Variants in PAK6 observed in about 807,000 individuals in gnomAD.
PAK6 encodes the protein serine/threonine-protein kinase PAK 6.
Under a neutral mutation model 60.8 loss-of-function variants are expected in PAK6, and 33 were observed. That is an observed-to-expected ratio of 0.54 (90% confidence interval 0.41 to 0.73). The LOEUF is 0.73. PAK6 is among the 30% of genes least tolerant of loss of function. PAK6 has a pLI of 0.00. For synonymous variants in PAK6, 404 were observed against 378.5 expected, an observed-to-expected ratio of 1.07 and a Z score of -0.78; for missense variants, 845 against 904.1, an observed-to-expected ratio of 0.93 and a Z score of 0.84.
exon 11 of PAK6, chr15:40,276,183 C>A: frequency 8.3e-7 from 1 of 1,201,030 alleles, no homozygotes; most frequent in Non-Finnish European, 1.2e-6. Flanking sequence ...GCCTCCTCCT[C>A]TCAGTATTCT....
chr15:40,249,057 G>T (rs1279705180), intron 2 of PAK6, among the ~76,000 whole-genome samples: 3 of 152,182 alleles, frequency 2.0e-5, no homozygotes, highest in Non-Finnish European at 4.4e-5. Flanking sequence ...CAAGAGCAAG[G>T]TGCTGGCAGA....
At chr15:40,268,377 C>A (rs577350130) in intron 5 of PAK6, among the ~76,000 whole-genome samples, 2 of 152,290 alleles carry the variant, frequency 1.3e-5, no homozygotes, top group African/African-American at 4.8e-5. Context: ...GTGGTACCCT[C>A]GGTTGGAATA....
At chr15:40,266,548 A>G in intron 5 of PAK6, 53 bp downstream of exon 5, 1 of 1,484,208 alleles carries the variant, frequency 6.7e-7, no homozygotes. Flanking sequence ...GTGTAGGGAC[A>G]CAGGCCTTGC....
chr15:40,268,810 G>A (rs922286247), intron 5 of PAK6, among the ~76,000 whole-genome samples: 5 of 152,208 alleles, frequency 3.3e-5, no homozygotes, highest in Non-Finnish European at 7.3e-5. Flanking sequence ...AGAGTCAGAA[G>A]GGCAAACATT....
exon 5 of PAK6, chr15:40,266,039 G>A (rs758265511): frequency 1.9e-6 from 3 of 1,606,590 alleles, no homozygotes; most frequent in African/African-American, 1.3e-5. Context: ...AGAGCCCCCA[G>A]TCTGAGCGCA....
intron 4 of PAK6, among the ~76,000 whole-genome samples, chr15:40,265,453 C>G (rs1425056386): frequency 6.6e-6 from 1 of 152,156 alleles, no homozygotes; most frequent in African/African-American, 2.4e-5. Context: ...TGTGGAGGAG[C>G]CCCCGGCCTG....
chr15:40,247,140 C>T (rs779881413), intron 2 of PAK6: 1 of 152,298 alleles, frequency 6.6e-6, no homozygotes, highest in Non-Finnish European at 1.5e-5. Flanking sequence ...CAGAGCCCTG[C>T]TCCAGCCTCA....
chr15:40,272,490 T>G, exon 6 of PAK6: 3 of 1,613,760 alleles, frequency 1.9e-6, no homozygotes, highest in Non-Finnish European at 2.5e-6. Flanking sequence ...TTGCCAAGGG[T>G]GCCCTGGCTG....
chr15:40,253,015 G>T, intron 2 of PAK6, 163 bp from the exon 3 acceptor site: 2 of 423,870 alleles, frequency 4.7e-6, no homozygotes, highest in Non-Finnish European at 8.2e-6. Context: ...CCTTCTCCCC[G>T]TAAGCCCCGC....
At chr15:40,243,682 G>A (rs2038419675) in intron 2 of PAK6, among the ~76,000 whole-genome samples, 1 of 152,200 alleles carries the variant, frequency 6.6e-6, no homozygotes, top group Non-Finnish European at 1.5e-5. Flanking sequence ...GAATGCCCAG[G>A]AAAGCTGGGA....
rs1003180843 is a variant in PAK6, at chr15:40,272,367, C to T, written c.1002C>T (p.Arg334=). ...CCAGCAGCCCCCAGAAGTCCCTCCG[C>T]ACAGCCCCGGCCACAGGCCAGCTTC... is the stretch of plus-strand genomic sequence containing the variant. The change falls in exon 6 of 11, where the codon CGC becomes CGT. Residue 334 remains arginine, a synonymous_variant. Coordinates refer to ENST00000560346, the Ensembl canonical transcript of PAK6. The T allele has an allele frequency of 3.1e-6, 5 of 1,613,618 alleles. No individual in the cohort carries two copies. In the African/African-American group the frequency reaches 5.3e-5, roughly 17 times the overall value.
chr15:40,239,083 G>C (rs2038243795), upstream of PAK6: 1 of 152,234 alleles, frequency 6.6e-6, no homozygotes, highest in Admixed American at 6.5e-5. Context: ...GGAGCAGCTC[G>C]GCGCCCCAAA....
intron 3 of PAK6, among the ~76,000 whole-genome samples, chr15:40,257,868 T>C (rs2038880484): frequency 6.6e-6 from 1 of 152,100 alleles, no homozygotes; most frequent in Non-Finnish European, 1.5e-5. Context: ...TGCCATGCTC[T>C]GGGAATCCCC....
intron 2 of PAK6, among the ~76,000 whole-genome samples, chr15:40,244,585 A>G (rs889372987): frequency 4.0e-5 from 6 of 151,308 alleles, no homozygotes; most frequent in Non-Finnish European, 5.9e-5. Context: ...TTTAGTAGAG[A>G]TGGGGTTTCA....
intron 3 of PAK6, among the ~76,000 whole-genome samples, chr15:40,253,747 C>G (rs2038757036): frequency 6.6e-6 from 1 of 152,232 alleles, no homozygotes; most frequent in East Asian, 1.9e-4. Context: ...TCCCAGCCCA[C>G]CGCTCATTCC....
intron 2 of PAK6, among the ~76,000 whole-genome samples, chr15:40,244,690 A>C (rs1272378618): frequency 6.6e-6 from 1 of 152,136 alleles, no homozygotes; most frequent in Non-Finnish European, 1.5e-5. Flanking sequence ...GAGCCACCAC[A>C]CCCAGCCTGC....
chr15:40,272,545 C>T, exon 6 of PAK6: 1 of 1,613,714 alleles, frequency 6.2e-7, no homozygotes, highest in South Asian at 1.1e-5. Flanking sequence ...CAAGGCTGCG[C>T]TCAGGATGGT....
chr15:40,255,817 CG>C (rs1418270614), intron 3 of PAK6, among the ~76,000 whole-genome samples: 1 of 152,092 alleles, frequency 6.6e-6, no homozygotes, highest in African/African-American at 2.4e-5. Context: ...TAGCAGAGTG[CG>C]GGCAGCCTCC....
intron 10 of PAK6, among the ~76,000 whole-genome samples, chr15:40,275,280 G>GTTTTTTTTTTGTTTGTTT (rs2039419105): frequency 1.8e-5 from 1 of 56,488 alleles, no homozygotes; most frequent in Non-Finnish European, 3.1e-5. Context: ...GTTGTTGTTG[G>GTTTTTTTTTTGTTTGTTT]TTTTTTTTTT....
Sources: allele counts gnomAD v4.1 joint callset (sites outside exome capture counted in the v4.1 genomes callset), GRCh38; gene constraint gnomAD v4.1.1; transcripts MANE v1.5; gene names NCBI Gene and HGNC (gene_info 2026-07-23, HGNC 2026-07-21).